The following POLA1 variants were observed in gnomAD, a reference collection of about 807,000 sequenced individuals.
POLA1 encodes the protein DNA polymerase alpha 1, catalytic subunit.
A neutral mutation model predicts 124.0 loss-of-function variants in POLA1; 15 were observed. The ratio of observed to expected loss-of-function variants is 0.12; its 90% confidence interval spans 0.08 to 0.19. The LOEUF (loss-of-function observed/expected upper bound fraction) is 0.19. POLA1 is among the 10% of genes least tolerant of loss of function. The pLI is 1.00. For missense variants in POLA1, 886 were observed against 1,103.4 expected, an observed-to-expected ratio of 0.80 and a Z score of 2.79; for synonymous variants, 408 against 389.4, an observed-to-expected ratio of 1.05 and a Z score of -0.56.
At chrX:24,832,285 C>G (rs978410157) in intron 32 of POLA1, among the ~76,000 whole-genome samples, 1 of 111,172 alleles carries the variant, frequency 9.0e-6, no homozygotes, top group Non-Finnish European at 1.9e-5. Context: ...TCAGCCACCC[C>G]CAAAGCACTT....
At chrX:24,984,761 G>T (rs1017910573) in intron 36 of POLA1, among the ~76,000 whole-genome samples, 21 of 103,879 alleles carry the variant, frequency 2.0e-4, no homozygotes, top group Non-Finnish European at 4.1e-4. Context: ...CCGGGTTCAC[G>T]CCATTCTCCT....
chrX:24,844,219 A>G (rs916565774), intron 34 of POLA1, among the ~76,000 whole-genome samples: 1 of 111,940 alleles, frequency 8.9e-6, no homozygotes, highest in Non-Finnish European at 1.9e-5. Context: ...GAGAATATCT[A>G]ATTTTTATAA....
At chrX:24,949,880 A>G (rs2048013038) in intron 36 of POLA1, among the ~76,000 whole-genome samples, 1 of 109,158 alleles carries the variant, frequency 9.2e-6, no homozygotes, top group Non-Finnish European at 1.9e-5. Flanking sequence ...GATTACAGGT[A>G]CACGCCACCA....
rs757974137 is a variant in POLA1, at chrX:24,883,775, G to A, written c.4048-4231G>A. On this transcript the variant is annotated intron_variant, in intron 34 of 36. Coordinates refer to ENST00000379068, the MANE Select transcript of POLA1 (RefSeq NM_001330360.2). ...TATTGGTTATGATAATTTGTGTGCG[G>A]CATTACGTAATAAAATTACGTATTT... Among the ~76,000 whole-genome samples the A allele has an allele frequency of 4.5e-5, 5 of 111,992 alleles. No homozygotes were observed. In the South Asian group the frequency reaches 1.9e-3, roughly 42 times the overall value.
chrX:24,781,493 G>A (rs1287655297), intron 26 of POLA1, among the ~76,000 whole-genome samples: 1 of 111,853 alleles, frequency 8.9e-6, no homozygotes, highest in African/African-American at 3.3e-5. Flanking sequence ...TTTATTCATT[G>A]TTGCCTTTAT....
intron 17 of POLA1, among the ~76,000 whole-genome samples, chrX:24,734,640 G>A (rs1462834618): frequency 1.8e-5 from 2 of 110,840 alleles, no homozygotes; most frequent in Non-Finnish European, 3.8e-5. Context: ...TTTTTGAGAC[G>A]GAGTCCCGCT....
At chrX:24,801,920 G>T (rs111957559) in intron 26 of POLA1, among the ~76,000 whole-genome samples, 28 of 47,512 alleles carry the variant, frequency 5.9e-4, no homozygotes, top group African/African-American at 2.4e-3. Context: ...AGGAGAGGTG[G>T]GTGGGTGTGT....
intron 21 of POLA1, 49 bp downstream of exon 21, chrX:24,741,553 T>C: frequency 9.1e-7 from 1 of 1,096,722 alleles, no homozygotes; most frequent in Non-Finnish European, 1.3e-6. Context: ...TTGGATTCAG[T>C]GTTTGCTTGG....
At chrX:24,809,181 T>C (rs1338333724) in intron 26 of POLA1, among the ~76,000 whole-genome samples, 1 of 111,263 alleles carries the variant, frequency 9.0e-6, no homozygotes, top group Non-Finnish European at 1.9e-5. Context: ...ACACACACTT[T>C]CTCTCTGAGT....
At position 24,950,346 on chromosome X, in the gene POLA1, G is replaced by A. The variant is rs182235832; in HGVS notation, c.4261+19797G>A. On this transcript the variant is annotated intron_variant, in intron 36 of 36. Transcript: ENST00000379068. ...TTGAACACTTGAATGTAGCTAGTGC[G>A]ACTGAGGAACTGAATTTTCCATTTT... Among the ~76,000 whole-genome samples, 185 of 111,920 alleles carry A rather than the reference G, an allele frequency of 1.7e-3. No homozygotes were observed. The East Asian group carries it at 0.043, about 26-fold the overall frequency.
At chrX:24,945,567 A>G (rs184762375) in intron 36 of POLA1, among the ~76,000 whole-genome samples, 1,130 of 112,129 alleles carry the variant, frequency 0.01, 8 homozygotes, top group Non-Finnish European at 0.015. Context: ...TCAGTCTTCC[A>G]TACTTAATGG....
At chrX:24,806,449 C>G (rs1309891603) in intron 26 of POLA1, among the ~76,000 whole-genome samples, 2 of 109,987 alleles carry the variant, frequency 1.8e-5, no homozygotes, top group Non-Finnish European at 3.8e-5. Context: ...CTAGAGAGGT[C>G]ACTGTGATAC....
chrX:24,836,700 T>C (rs774129158), intron 32 of POLA1, among the ~76,000 whole-genome samples: 4 of 112,152 alleles, frequency 3.6e-5, no homozygotes, highest in African/African-American at 1.3e-4. Context: ...CTTTTTCTTA[T>C]TGATTTGCAG....
chrX:24,951,356 C>T (rs567643840), intron 36 of POLA1, among the ~76,000 whole-genome samples: 1 of 76,007 alleles, frequency 1.3e-5, no homozygotes, highest in Admixed American at 1.4e-4. Flanking sequence ...CCCCCCCCCC[C>T]CCACCAAATG....
At chrX:24,800,643 T>C (rs750893678) in intron 26 of POLA1, among the ~76,000 whole-genome samples, 1 of 110,980 alleles carries the variant, frequency 9.0e-6, no homozygotes, top group South Asian at 3.8e-4. Flanking sequence ...AAACTGGAGG[T>C]TGGAGTGGAA....
intron 34 of POLA1, among the ~76,000 whole-genome samples, chrX:24,869,053 CCT>C (rs1156747993): frequency 8.9e-6 from 1 of 111,869 alleles, no homozygotes; most frequent in African/African-American, 3.3e-5. Flanking sequence ...CCCAACTCCG[CCT>C]CTCAAGTAGC....
rs1372967041 is a variant in POLA1, at chrX:24,916,510, C to T, written c.4165-13943C>T. On this transcript the variant is annotated intron_variant, in intron 35 of 36. Coordinates refer to ENST00000379068, the MANE Select transcript of POLA1 (RefSeq NM_001330360.2). ...GCCAGGCTGGTCTCGAACTCCTGAC[C>T]GCAGGTGATCCACCCTCCTCAGCCT... 1.6e-4 allele frequency among the ~76,000 whole-genome samples: 18 copies of T among 110,071 alleles called. No individual in the cohort carries two copies. In the Admixed American group the frequency reaches 1.7e-3, roughly 11 times the overall value.
At chrX:24,843,467 C>T in intron 33 of POLA1, 79 bp from the exon 34 acceptor site, 2 of 652,024 alleles carry the variant, frequency 3.1e-6, no homozygotes, top group Non-Finnish European at 4.6e-6. Flanking sequence ...AACACTAGGA[C>T]AGCATGTAAG....
Position 24,841,676 on chromosome X carries a change from T to C in POLA1, c.3761T>C (p.Val1254Ala). 8.4e-7 allele frequency: 1 copy of C among 1,185,964 alleles called. No homozygotes were observed. The highest frequency in any genetic ancestry group is 1.1e-6 in the Non-Finnish European group (1 of 880,182). The stretch of plus-strand genomic sequence containing the variant: ...GGACTTGACCCCACCCAATTTAGAG[T>C]TCATCATTATCATAAAGATGAAGAG... Reference protein sequence around the residue: ...WLGLDPTQFRVHHYHKDEEND... With the variant: ...WLGLDPTQFRAHHYHKDEEND... Residue 1254 changes from valine to alanine, a missense_variant, in exon 33 of 37, where the codon GTT (valine) becomes GCT (alanine). Coordinates refer to ENST00000379068, the MANE Select transcript of POLA1 (RefSeq NM_001330360.2).
Sources: allele counts gnomAD v4.1 joint callset (sites outside exome capture counted in the v4.1 genomes callset), GRCh38; gene constraint gnomAD v4.1.1; transcripts MANE v1.5; gene names NCBI Gene and HGNC (gene_info 2026-07-23, HGNC 2026-07-21).